The following TIPIN variants were observed in gnomAD, a reference collection of about 807,000 sequenced individuals.
TIPIN encodes TIMELESS interacting protein, also known as TIMELESS-interacting protein.
In TIPIN, 29 loss-of-function variants were observed where a neutral mutation model predicts 35.6. The observed-to-expected ratio is 0.82, with a 90% CI of 0.61 to 1.11. The LOEUF (loss-of-function observed/expected upper bound fraction) is 1.11, where lower values mean the gene tolerates loss of function less well. Ranked by LOEUF, TIPIN falls within the 50% of genes most tolerant of loss-of-function variation. The pLI, the probability that TIPIN is intolerant of heterozygous loss-of-function variation, is 0.00. For synonymous variants in TIPIN, 102 were observed against 121.5 expected (o/e 0.84, Z 1.06); for missense variants, 296 against 345.4 (o/e 0.86, Z 1.13).
chr15:66,342,911 T>G (rs2093098713), intron 6 of TIPIN, among the ~76,000 whole-genome samples: 1 of 152,206 alleles, frequency 6.6e-6, no homozygotes, highest in Non-Finnish European at 1.5e-5. Flanking sequence ...TATATTTCAT[T>G]TAAGAATTAA....
chr15:66,353,351 C>A (rs2093181290), intron 1 of TIPIN, among the ~76,000 whole-genome samples: 1 of 152,098 alleles, frequency 6.6e-6, no homozygotes. Context: ...GGCGCGGTGG[C>A]TCACGCCTGT....
At chr15:66,364,177 T>G (rs2140481798) in intron 1 of TIPIN, among the ~76,000 whole-genome samples, 1 of 142,064 alleles carries the variant, frequency 7.0e-6, no homozygotes, top group Admixed American at 7.0e-5. Flanking sequence ...TTTTTTTTTT[T>G]TTTTTGAGAC....
chr15:66,386,284 A>T lies in TIPIN; in HGVS notation c.-9+323T>A, dbSNP rs1232039577. On this transcript the variant is annotated intron_variant, in intron 1 of 7. Transcript: ENST00000562124. ...TCCAGGCTGGGCAACTGAGGGAGAC[A>T]CCGTCTTAAAAAAAAAAAAGTTCCC... is the stretch of plus-strand genomic sequence containing the variant. 2.7e-5 allele frequency: 4 copies of T among 150,880 alleles called. No homozygotes were observed. In the East Asian group the frequency reaches 5.9e-4, roughly 22 times the overall value. The allele number at this position is 150,880 out of a possible 1,614,324, so 9.3% of individuals were successfully genotyped here.
rs761762353 is a variant in TIPIN at position 66,351,548 on chromosome 15, T to C, written c.265A>G (p.Lys89Glu). Reference sequence around the variant, plus strand: ...ACCTCATGACCTTTACCTTTGAATTTTGCCTTATCAAATACATGCCTTAAG... The same window carrying C: ...ACCTCATGACCTTTACCTTTGAATTCTGCCTTATCAAATACATGCCTTAAG... ...PALRHVFDKA[K>E]FKGKGHEAED... The change falls in exon 4 of 8, where the codon AAA becomes GAA. Residue 89 changes from lysine to glutamate, a missense_variant. Physicochemically the swap from Lys to Glu is moderately conservative, Grantham distance 56. Coordinates refer to ENST00000261881, the MANE Select transcript of TIPIN (RefSeq NM_017858.3). The C allele has an allele frequency of 8.1e-6, 13 of 1,613,618 alleles. No individual in the cohort carries two copies. The South Asian group carries it at 1.4e-4, about 18-fold the overall frequency.
chr15:66,344,607 T>C (rs955353044), intron 6 of TIPIN, among the ~76,000 whole-genome samples: 2 of 151,542 alleles, frequency 1.3e-5, no homozygotes, highest in African/African-American at 4.9e-5. Flanking sequence ...TCCCAGCACT[T>C]TGGGAACCCA....
intron 4 of TIPIN, among the ~76,000 whole-genome samples, chr15:66,350,289 G>GA (rs574194804): frequency 6.0e-5 from 9 of 151,132 alleles, no homozygotes; most frequent in East Asian, 2.0e-4. Context: ...AAAATTAGAT[G>GA]AAAAAAAATC....
At chr15:66,356,321 A>T (rs987162360) in intron 1 of TIPIN, among the ~76,000 whole-genome samples, 1 of 151,938 alleles carries the variant, frequency 6.6e-6, no homozygotes, top group African/African-American at 2.4e-5. Context: ...CATTCATCCA[A>T]CATTCGCTGG....
chr15:66,356,333 G>A (rs540456238), intron 1 of TIPIN, among the ~76,000 whole-genome samples: 1 of 152,174 alleles, frequency 6.6e-6, no homozygotes, highest in African/African-American at 2.4e-5. Flanking sequence ...ATTCGCTGGG[G>A]GATTTCTACA....
intron 6 of TIPIN, among the ~76,000 whole-genome samples, chr15:66,348,097 C>G (rs1157795715): frequency 1.3e-5 from 2 of 148,532 alleles, no homozygotes; most frequent in Non-Finnish European, 3.0e-5. Context: ...CAGCCTTGAA[C>G]TCCTGGGCTC....
intron 1 of TIPIN, among the ~76,000 whole-genome samples, chr15:66,371,779 A>C (rs941440541): frequency 2.6e-5 from 4 of 151,518 alleles, no homozygotes; most frequent in African/African-American, 4.9e-5. Flanking sequence ...AGCCTCCCAA[A>C]GTGCTGGGAT....
upstream of TIPIN, among the ~76,000 whole-genome samples, chr15:66,360,232 TA>T (rs2093225145): frequency 1.3e-5 from 2 of 152,040 alleles, no homozygotes; most frequent in East Asian, 3.9e-4. Context: ...CCCTAAAAAA[TA>T]AAAATAAAAG....
At chr15:66,348,741 G>A (rs1211620198) in intron 6 of TIPIN, among the ~76,000 whole-genome samples, 1 of 150,364 alleles carries the variant, frequency 6.7e-6, no homozygotes, top group African/African-American at 2.4e-5. Flanking sequence ...GGCCAGGAGT[G>A]TGAGAGCAGC....
chr15:66,371,330 G>C lies in TIPIN; in HGVS notation c.-9+15277C>G, dbSNP rs1056423056. 11 of 984,640 alleles carry C rather than the reference G, an allele frequency of 1.1e-5. No individual in the cohort carries two copies. In the African/African-American group the frequency reaches 1.9e-4, roughly 17 times the overall value. 61.0% of individuals were successfully genotyped at this position (984,640 alleles called of 1,614,324 possible). A position where few individuals can be genotyped will look rare whatever the true frequency, so the allele number is the denominator to read the frequency against. Reference sequence around the variant, plus strand: ...ATAATTTAAAAAACAGAAAAATTTGGAGCAAAACCCACAAAATTCTCAGAA... The same window carrying C: ...ATAATTTAAAAAACAGAAAAATTTGCAGCAAAACCCACAAAATTCTCAGAA... On this transcript the variant is annotated intron_variant, in intron 1 of 7. Transcript: ENST00000562124.
intron 1 of TIPIN, among the ~76,000 whole-genome samples, chr15:66,382,650 C>A (rs563137006): frequency 6.6e-6 from 1 of 152,252 alleles, no homozygotes; most frequent in South Asian, 2.1e-4. Flanking sequence ...GCTGGGATTA[C>A]GGGAGTGACA....
chr15:66,350,938 T>TAAA (rs35214451), intron 4 of TIPIN, among the ~76,000 whole-genome samples: 15 of 82,330 alleles, frequency 1.8e-4, no homozygotes, highest in South Asian at 4.0e-4. Context: ...GACTCCGTCT[T>TAAA]AAAAAAAAAA....
chr15:66,357,084 GTTTT>G (rs1351860904), upstream of TIPIN, among the ~76,000 whole-genome samples: 4 of 151,850 alleles, frequency 2.6e-5, no homozygotes, highest in Non-Finnish European at 5.9e-5. Context: ...GTTTTAATGG[GTTTT>G]TGTTTGTTTG....
At chr15:66,343,022 A>C (rs1001798680) in intron 6 of TIPIN, among the ~76,000 whole-genome samples, 2 of 152,224 alleles carry the variant, frequency 1.3e-5, no homozygotes, top group African/African-American at 4.8e-5. Flanking sequence ...GAGCCACTCT[A>C]TAGGCAAGAT....
chr15:66,356,742 T>C, upstream of TIPIN: 1 of 985,222 alleles, frequency 1.0e-6, no homozygotes, highest in Non-Finnish European at 1.2e-6. Flanking sequence ...CCGCAGCGTT[T>C]GGCGCCAAAT....
At chr15:66,356,877 C>T (rs2093207831), upstream of TIPIN, among the ~76,000 whole-genome samples, 1 of 152,184 alleles carries the variant, frequency 6.6e-6, no homozygotes, top group Non-Finnish European at 1.5e-5. Context: ...AGTTAAGCCT[C>T]CTTATTTGCA....
Sources: gnomAD v4.1 joint callset for allele counts (sites outside exome capture counted in the v4.1 genomes callset) on GRCh38, gnomAD v4.1.1 for gene constraint, MANE v1.5 for transcripts, NCBI Gene and HGNC (gene_info 2026-07-23, HGNC 2026-07-21) for gene names.